JPH1: variants seen among roughly 807,000 people sequenced by gnomAD.
JPH1 encodes the protein junctophilin-1.
In JPH1, 12 loss-of-function variants were observed where a neutral mutation model predicts 53.6. The ratio of observed to expected loss-of-function variants is 0.22; its 90% CI spans 0.14 to 0.36. The LOEUF is 0.36. Ranked by LOEUF, JPH1 falls within the 10% of genes least tolerant of loss-of-function variation. The probability of loss-of-function intolerance (pLI) is 1.00; values close to 1 mark genes in which losing one functional copy is unlikely to be tolerated. For missense variants in JPH1, 808 were observed against 905.5 expected (o/e 0.89, Z 1.38); for synonymous variants, 375 against 363.8 (o/e 1.03, Z -0.35).
intron 4 of JPH1, among the ~76,000 whole-genome samples, chr8:74,240,035 G>A (rs182362837): frequency 5.8e-4 from 89 of 152,176 alleles, no homozygotes; most frequent in Non-Finnish European, 1.1e-3. Flanking sequence ...GCAGTGGCGC[G>A]ATCTTGGCTC....
chr8:74,291,558 A>T (rs946892043), intron 2 of JPH1, among the ~76,000 whole-genome samples: 5 of 152,224 alleles, frequency 3.3e-5, no homozygotes, highest in African/African-American at 1.2e-4. Flanking sequence ...CCATTGTGGA[A>T]GTCGGTGTGG....
intron 2 of JPH1, among the ~76,000 whole-genome samples, chr8:74,262,997 T>C (rs1563401647): frequency 6.6e-6 from 1 of 152,262 alleles, no homozygotes; most frequent in South Asian, 2.1e-4. Context: ...TAGTGTTTTA[T>C]GAGCTCTCTA....
chr8:74,257,382 A>G (rs1265604320), intron 3 of JPH1, among the ~76,000 whole-genome samples: 1 of 152,194 alleles, frequency 6.6e-6, no homozygotes, highest in Non-Finnish European at 1.5e-5. Context: ...GATCTTTCGT[A>G]TCATTTACCT....
Position 74,320,895 on chromosome 8 carries a change from G to T in JPH1, c.379+14C>A. 1 of 1,501,810 alleles carries T rather than the reference G, an allele frequency of 6.7e-7. No homozygotes were observed. The highest frequency in any genetic ancestry group is 1.3e-5 in the South Asian group (1 of 75,274). 93.0% of individuals were successfully genotyped at this position (1,501,810 alleles called of 1,614,324 possible). ...AGCTCGCGGAGCAGCCGAGCCGCCCGTTACGCCGCTCACCTCCGTCCCCGT... is the reference window on the plus strand; with the variant it reads ...AGCTCGCGGAGCAGCCGAGCCGCCCTTTACGCCGCTCACCTCCGTCCCCGT... On this transcript the variant is annotated intron_variant, in intron 1 of 5. Coordinates refer to ENST00000342232, the MANE Select transcript of JPH1 (RefSeq NM_020647.4). This position sits in a 1 kb window ranked among gnomAD's most constrained non-coding sequence, Gnocchi z 4.4.
intron 1 of JPH1, among the ~76,000 whole-genome samples, chr8:74,317,796 A>T (rs536287972): frequency 6.6e-6 from 1 of 152,226 alleles, no homozygotes; most frequent in East Asian, 1.9e-4. Flanking sequence ...ACTGATGGAA[A>T]ATTAACAGCT....
intron 2 of JPH1, among the ~76,000 whole-genome samples, chr8:74,310,166 C>A (rs1207400023): frequency 1.3e-5 from 2 of 151,908 alleles, no homozygotes; most frequent in Non-Finnish European, 2.9e-5. Context: ...AAGAGCAGAG[C>A]AGTTGGGATC....
chr8:74,297,658 T>C (rs1563416129), intron 2 of JPH1, among the ~76,000 whole-genome samples: 1 of 152,238 alleles, frequency 6.6e-6, no homozygotes, highest in Non-Finnish European at 1.5e-5. Flanking sequence ...AATATCTTCA[T>C]GTCAGCCATG....
chr8:74,245,091 G>T lies in JPH1; in HGVS notation c.1343C>A (p.Thr448Lys), dbSNP rs1335627994. ...PEEKVPEKPP[T>K]PKESPHFYRK... ...ATAAAAATGAGGAGACTCCTTTGGT[G>T]TAGGTGGCTTTTCTGGTACCTTTTC... Residue 448 changes from threonine (T) to lysine (K), a missense_variant, in exon 4 of 6, where the codon ACA becomes AAA. Around this residue, in one of 2 missense-constraint regions of JPH1, gnomAD observed 756 missense variants for 811.9 expected, o/e 0.93. Transcript: ENST00000342232. 1.9e-6 allele frequency: 3 copies of T among 1,613,206 alleles called. No individual in the cohort carries two copies. The African/African-American group carries it at 4.0e-5, about 22-fold the overall frequency.
At chr8:74,313,704 T>C (rs1026736056) in intron 2 of JPH1, among the ~76,000 whole-genome samples, 6 of 152,082 alleles carry the variant, frequency 3.9e-5, no homozygotes, top group Non-Finnish European at 4.4e-5. Context: ...AACAAAAACC[T>C]GAAGACATGC....
intron 2 of JPH1, among the ~76,000 whole-genome samples, chr8:74,309,155 A>C (rs993807009): frequency 2.0e-5 from 3 of 152,184 alleles, no homozygotes; most frequent in Admixed American, 6.5e-5. Flanking sequence ...GGAGCAGCAT[A>C]GTCCCATGCG....
rs775500767 is a variant in JPH1 at position 74,237,295 on chromosome 8, A to G, written c.1914T>C (p.Asn638=). The change falls in exon 5 of 6, where the codon AAT becomes AAC. Residue 638 remains asparagine, a synonymous_variant. Transcript: ENST00000342232. Reference sequence around the variant, plus strand: ...GCATGACAAGGACAATCATGATTGAATTAGGGCCCTGAAAATGAAAGAGAA... The same window carrying G: ...GCATGACAAGGACAATCATGATTGAGTTAGGGCCCTGAAAATGAAAGAGAA... ...ALEKEANSGP[N]SIMIVLVMLL... 8 of 1,611,514 alleles carry G rather than the reference A, an allele frequency of 5.0e-6. No homozygotes were observed. The South Asian group carries it at 7.8e-5, about 16-fold the overall frequency.
intron 2 of JPH1, among the ~76,000 whole-genome samples, chr8:74,259,943 C>A (rs559355316): frequency 6.6e-6 from 1 of 152,332 alleles, no homozygotes; most frequent in South Asian, 2.1e-4. Context: ...CACTGGCATG[C>A]TGGTGAAGTA....
chr8:74,316,524 T>C (rs1808164285), intron 1 of JPH1, among the ~76,000 whole-genome samples: 1 of 152,220 alleles, frequency 6.6e-6, no homozygotes. Context: ...TTGATGACTA[T>C]GTTGACGGTA....
rs1805811152 is a variant in JPH1 at position 74,244,933 on chromosome 8, C to T, written c.1501G>A (p.Val501Met). The T allele has an allele frequency of 6.2e-7, 1 of 1,614,128 alleles. No individual in the cohort carries two copies. The highest frequency in any genetic ancestry group is 1.3e-5 in the African/African-American group (1 of 75,012). Residue 501 changes from valine to methionine, a missense_variant, in exon 4 of 6, where the codon GTG (valine) becomes ATG (methionine). Val to Met is a conservative substitution (Grantham distance 21). Around this residue, in one of 2 missense-constraint regions of JPH1, gnomAD observed 756 missense variants for 811.9 expected, o/e 0.93. Transcript: ENST00000342232. Reference sequence around the variant, plus strand: ...ATGGCCGTCACCTGCTCATCAGCCACACTCCTTTTGTCTTGGTTGAGTCTC... The same window carrying T: ...ATGGCCGTCACCTGCTCATCAGCCATACTCCTTTTGTCTTGGTTGAGTCTC... ...GARLNQDKRS[V>M]ADEQVTAIVN...
At chr8:74,247,767 A>AT (rs970635965) in intron 3 of JPH1, among the ~76,000 whole-genome samples, 1 of 152,110 alleles carries the variant, frequency 6.6e-6, no homozygotes, top group African/African-American at 2.4e-5. Context: ...AAAAAATGTC[A>AT]TTTTTTTGAG....
chr8:74,315,163 T>C lies in JPH1; in HGVS notation c.837A>G (p.Glu279=), dbSNP rs1385226552. 3 of 1,614,182 alleles carry C rather than the reference T, an allele frequency of 1.9e-6. No homozygotes were observed. Among genetic ancestry groups the C allele is most frequent in the Non-Finnish European group, 2.5e-6 (3 of 1,180,030 alleles). The change falls in exon 2 of 6, where the codon GAA becomes GAG. Residue 279 remains glutamate (E), a synonymous_variant. Coordinates refer to ENST00000342232, the MANE Select transcript of JPH1 (RefSeq NM_020647.4). This position sits in a 1 kb window ranked among gnomAD's most constrained non-coding sequence, Gnocchi z 6.3. ...VEDHVDATTT[E]TYMGEWKNDK... ...CGTTCTTCCACTCGCCCATGTAGGT[T>C]TCCGTGGTGGTGGCGTCCACGTGGT...
At chr8:74,283,519 A>G (rs1344788720) in intron 2 of JPH1, among the ~76,000 whole-genome samples, 1 of 152,176 alleles carries the variant, frequency 6.6e-6, no homozygotes. Context: ...AAAGGTTAAG[A>G]AAAGGGAAAG....
chr8:74,295,418 G>A (rs4738443), intron 2 of JPH1, among the ~76,000 whole-genome samples: 100,513 of 152,066 alleles, frequency 0.66, 33,815 homozygotes, highest in African/African-American at 0.8. Context: ...CTCTGAGGAC[G>A]AACACTGTCT....
intron 3 of JPH1, among the ~76,000 whole-genome samples, chr8:74,251,438 G>C (rs1806057730): frequency 6.6e-6 from 1 of 151,980 alleles, no homozygotes; most frequent in African/African-American, 2.4e-5. Context: ...TAAGTTCTTG[G>C]GGGATGACTC....
Sources: allele counts gnomAD v4.1 joint callset (sites outside exome capture counted in the v4.1 genomes callset), GRCh38; gene constraint gnomAD v4.1.1; regional missense constraint gnomAD v4.1.1; non-coding constraint Gnocchi (gnomAD v3.1); transcripts MANE v1.5; gene names NCBI Gene and HGNC (gene_info 2026-07-23, HGNC 2026-07-21).